Variants in WWP2 observed in about 807,000 individuals in gnomAD.
WWP2 encodes the protein NEDD4-like E3 ubiquitin-protein ligase WWP2.
Under a neutral mutation model 121.0 loss-of-function variants are expected in WWP2, and 57 were observed. The ratio of observed to expected loss-of-function variants is 0.47; its 90% CI spans 0.38 to 0.59. WWP2 has a LOEUF of 0.59. WWP2 is among the 20% of genes least tolerant of loss of function. WWP2 has a pLI of 0.00. For synonymous variants in WWP2, 449 were observed against 441.3 expected, an observed-to-expected ratio of 1.02 and a Z score of -0.22; for missense variants, 962 against 1,158.9, an observed-to-expected ratio of 0.83 and a Z score of 2.47.
At chr16:69,790,474 T>C (rs994077014) in intron 2 of WWP2, among the ~76,000 whole-genome samples, 1 of 152,186 alleles carries the variant, frequency 6.6e-6, no homozygotes, top group African/African-American at 2.4e-5. Context: ...TTGGTTTTGC[T>C]ATCTCTTGGG....
chr16:69,814,715 C>T (rs894746301), intron 4 of WWP2, among the ~76,000 whole-genome samples: 1 of 152,138 alleles, frequency 6.6e-6, no homozygotes, highest in Non-Finnish European at 1.5e-5. Flanking sequence ...ACAGACAGGC[C>T]AGTCATGAGC....
chr16:69,879,526 T>C (rs2057788524), intron 7 of WWP2, among the ~76,000 whole-genome samples: 1 of 152,244 alleles, frequency 6.6e-6, no homozygotes, highest in Admixed American at 6.5e-5. Flanking sequence ...TTTTGATTCA[T>C]CCATGTTGTA....
intron 10 of WWP2, 45 bp downstream of exon 10, chr16:69,917,928 G>A (rs752053773): frequency 8.3e-6 from 13 of 1,562,002 alleles, no homozygotes; most frequent in Admixed American, 1.8e-5. Context: ...GCCTCCCTGC[G>A]CTTGCGAATG....
intron 4 of WWP2, among the ~76,000 whole-genome samples, chr16:69,805,256 A>C (rs1036641938): frequency 2.0e-5 from 3 of 151,950 alleles, no homozygotes; most frequent in Non-Finnish European, 4.4e-5. Context: ...GGCTGGTCTC[A>C]AACTCCTGAC....
chr16:69,913,685 G>A (rs562196818), intron 9 of WWP2, among the ~76,000 whole-genome samples: 1 of 152,150 alleles, frequency 6.6e-6, no homozygotes, highest in East Asian at 1.9e-4. Context: ...AACAAGAACA[G>A]GAGGCCATGA....
intron 1 of WWP2, among the ~76,000 whole-genome samples, chr16:69,768,598 G>A (rs892487846): frequency 9.2e-5 from 14 of 152,076 alleles, no homozygotes; most frequent in African/African-American, 2.7e-4. Flanking sequence ...CAACAAGAGC[G>A]AAACTCCTTC....
chr16:69,893,451 G>A (rs1032797836), intron 8 of WWP2, among the ~76,000 whole-genome samples: 1 of 151,980 alleles, frequency 6.6e-6, no homozygotes, highest in African/African-American at 2.4e-5. Flanking sequence ...CAGCAATATT[G>A]CATTTTCTTC....
intron 4 of WWP2, among the ~76,000 whole-genome samples, chr16:69,808,650 C>T (rs1422731547): frequency 1.3e-5 from 2 of 152,242 alleles, no homozygotes; most frequent in Admixed American, 6.5e-5. Context: ...GGTCTGCCTG[C>T]CTCGGCCTCC....
intron 2 of WWP2, among the ~76,000 whole-genome samples, chr16:69,790,069 C>T (rs117870851): frequency 1.1e-3 from 170 of 152,180 alleles, no homozygotes; most frequent in Admixed American, 1.8e-3. Flanking sequence ...GTGGTAAAAC[C>T]CTGCCTCTAC....
chr16:69,937,732 C>A lies in WWP2; in HGVS notation c.2343+80C>A. On this transcript the variant is annotated intron_variant, in intron 21 of 23. Coordinates refer to ENST00000359154, the MANE Select transcript of WWP2 (RefSeq NM_001270454.2). This position sits in a 1 kb window ranked among gnomAD's most constrained non-coding sequence, Gnocchi z 6.6. ...ACGGGTCCTGAGGAGGCCTCACGCG[C>A]AAGGACCTTCAGCTTTGGCCCTGTC... 2.2e-6 allele frequency: 3 copies of A among 1,367,756 alleles called. No individual in the cohort carries two copies. Among genetic ancestry groups the A allele is most frequent in the Non-Finnish European group, 3.1e-6 (3 of 975,446 alleles). The allele number at this position is 1,367,756 out of a possible 1,614,324, so 84.7% of individuals were successfully genotyped here. A position where few individuals can be genotyped will look rare whatever the true frequency, so the allele number is the denominator to read the frequency against.
At chr16:69,887,011 C>T (rs2057937611) in intron 7 of WWP2, among the ~76,000 whole-genome samples, 1 of 152,206 alleles carries the variant, frequency 6.6e-6, no homozygotes, top group African/African-American at 2.4e-5. Flanking sequence ...TATAGCTTAT[C>T]ACTTCCAAAA....
intron 12 of WWP2, among the ~76,000 whole-genome samples, 160 bp downstream of exon 12, chr16:69,929,689 T>C (rs376455893): frequency 4.5e-4 from 69 of 152,344 alleles, no homozygotes; most frequent in African/African-American, 1.6e-3. Context: ...AGATACACTG[T>C]TGGCCTGATG....
At chr16:69,816,648 G>T (rs376633436) in intron 4 of WWP2, among the ~76,000 whole-genome samples, 2 of 151,672 alleles carry the variant, frequency 1.3e-5, no homozygotes, top group African/African-American at 4.9e-5. Flanking sequence ...TGAGTGCTTC[G>T]TATGTATCAG....
chr16:69,919,415 C>T (rs1436954388), intron 10 of WWP2, among the ~76,000 whole-genome samples: 1 of 152,216 alleles, frequency 6.6e-6, no homozygotes, highest in Non-Finnish European at 1.5e-5. Context: ...AATCCGCCCA[C>T]CTTGGCCTCC....
In WWP2 at chr16:69,905,074, CA is replaced by C. The variant is rs368058591; in HGVS notation, c.915-3686del. Among the ~76,000 whole-genome samples, 309 of 152,338 alleles carry C rather than the reference CA, an allele frequency of 2.0e-3. 3 individuals are homozygous for C. Among genetic ancestry groups the C allele is most frequent in the African/African-American group, 6.8e-3 (281 of 41,590 alleles). ...ACCACGCCCAAATAAGGCAGACGCC[CA>C]GCTGTAGCTGTTTAGATGATTTCTC... On this transcript the variant is annotated intron_variant, in intron 8 of 23. Coordinates refer to ENST00000359154, the MANE Select transcript of WWP2 (RefSeq NM_001270454.2).
At chr16:69,876,272 C>T (rs2057733640) in intron 7 of WWP2, among the ~76,000 whole-genome samples, 1 of 151,186 alleles carries the variant, frequency 6.6e-6, no homozygotes, top group African/African-American at 2.4e-5. Flanking sequence ...GGGTTTTGGC[C>T]ACATCCATCA....
chr16:69,817,929 T>C (rs569704665), intron 4 of WWP2, among the ~76,000 whole-genome samples: 59 of 151,756 alleles, frequency 3.9e-4, no homozygotes, highest in East Asian at 1.9e-3. Context: ...ATGCTCCTCT[T>C]TTTTTTTCCC....
intron 6 of WWP2, among the ~76,000 whole-genome samples, chr16:69,867,033 G>A (rs2057538336): frequency 6.6e-6 from 1 of 151,432 alleles, no homozygotes; most frequent in African/African-American, 2.4e-5. Context: ...TTGGGGTTTT[G>A]CCATGTTGGC....
intron 2 of WWP2, among the ~76,000 whole-genome samples, chr16:69,789,582 A>C (rs1567666178): frequency 1.3e-5 from 2 of 152,130 alleles, no homozygotes; most frequent in Non-Finnish European, 2.9e-5. Flanking sequence ...CTTGGAAAAA[A>C]CCAGTATTGT....
Sources: allele counts gnomAD v4.1 joint callset (sites outside exome capture counted in the v4.1 genomes callset), GRCh38; gene constraint gnomAD v4.1.1; non-coding constraint Gnocchi (gnomAD v3.1); transcripts MANE v1.5; gene names NCBI Gene and HGNC (gene_info 2026-07-23, HGNC 2026-07-21).